CTNNA3: variants seen among roughly 807,000 people sequenced by gnomAD.
The protein encoded by CTNNA3 is catenin alpha-3.
CTNNA3 carries 76 observed loss-of-function variants against 95.7 expected under a neutral mutation model. That is an observed-to-expected ratio of 0.79 (90% CI 0.66 to 0.96). CTNNA3 has a LOEUF of 0.96. Among genes scored for constraint, CTNNA3 ranks in the 40% least tolerant of loss-of-function variants. The pLI is 0.00. For missense variants in CTNNA3, 1,191 were observed against 1,089.8 expected (o/e 1.09, Z -1.31); for synonymous variants, 431 against 374.4 (o/e 1.15, Z -1.74).
intron 13 of CTNNA3, among the ~76,000 whole-genome samples, chr10:66,154,206 C>T (rs1199077743): frequency 6.6e-6 from 1 of 151,738 alleles, no homozygotes; most frequent in South Asian, 2.1e-4. Flanking sequence ...GGTACTTAAT[C>T]CTTGGTTCTA....
At chr10:65,957,936 G>T (rs2077766330) in intron 17 of CTNNA3, among the ~76,000 whole-genome samples, 2 of 152,168 alleles carry the variant, frequency 1.3e-5, no homozygotes, top group African/African-American at 4.8e-5. Flanking sequence ...GGCCTGCCTT[G>T]CTAGGTTGGG....
Position 66,339,184 on chromosome 10 carries a change from C to A in CTNNA3, c.1732+39968G>T, listed in dbSNP as rs372667507. ...AACACAGTGAGCAACACATGGTAAG[C>A]GATTATTTAAAATTAATCTCTGTTA... On this transcript the variant is annotated intron_variant, in intron 12 of 17. Transcript: ENST00000433211. Among the ~76,000 whole-genome samples the A allele has an allele frequency of 2.0e-5, 3 of 151,658 alleles. No homozygotes were observed. The South Asian group carries it at 6.2e-4, about 31-fold the overall frequency.
chr10:67,616,999 A>C (rs895718101), intron 2 of CTNNA3, among the ~76,000 whole-genome samples: 4 of 152,224 alleles, frequency 2.6e-5, no homozygotes, highest in African/African-American at 9.6e-5. Flanking sequence ...AGTATTTCTC[A>C]GGAAACCCAA....
chr10:66,977,446 A>C (rs1035209005), intron 7 of CTNNA3, among the ~76,000 whole-genome samples: 1 of 151,942 alleles, frequency 6.6e-6, no homozygotes, highest in Non-Finnish European at 1.5e-5. Context: ...AAAAAAAAAA[A>C]AATGTATAAA....
At chr10:67,558,697 G>A (rs148173735) in intron 3 of CTNNA3, among the ~76,000 whole-genome samples, 3,317 of 152,350 alleles carry the variant, frequency 0.022, 151 homozygotes, top group African/African-American at 0.075. Flanking sequence ...TGCCTCACTC[G>A]AGAAGCGCAA....
chr10:67,485,033 C>A (rs113477189), intron 5 of CTNNA3, among the ~76,000 whole-genome samples: 3,756 of 152,234 alleles, frequency 0.025, 174 homozygotes, highest in African/African-American at 0.085. Flanking sequence ...TTCATCACAG[C>A]ACCATTCACA....
chr10:66,714,600 C>CA (rs1848395879), intron 9 of CTNNA3, among the ~76,000 whole-genome samples: 1 of 152,096 alleles, frequency 6.6e-6, no homozygotes. Flanking sequence ...TCCACCTCTG[C>CA]TTTTTTGAGC....
intron 7 of CTNNA3, among the ~76,000 whole-genome samples, chr10:66,994,399 A>T (rs1455874686): frequency 6.6e-6 from 1 of 152,182 alleles, no homozygotes; most frequent in African/African-American, 2.4e-5. Context: ...TCACTTAATA[A>T]ATGGAATGAA....
chr10:66,375,059 G>T (rs2092785714), intron 12 of CTNNA3, among the ~76,000 whole-genome samples: 1 of 152,202 alleles, frequency 6.6e-6, no homozygotes, highest in Non-Finnish European at 1.5e-5. Context: ...AAGATTTCTA[G>T]AGGACATGAA....
intron 11 of CTNNA3, among the ~76,000 whole-genome samples, chr10:66,506,129 C>G (rs536957656): frequency 6.6e-6 from 1 of 151,984 alleles, no homozygotes; most frequent in Admixed American, 6.6e-5. Context: ...AATAACCTGC[C>G]CTTGCAGGAA....
chr10:66,047,387 T>C (rs1400396521), intron 15 of CTNNA3, among the ~76,000 whole-genome samples: 2 of 152,264 alleles, frequency 1.3e-5, no homozygotes, highest in Non-Finnish European at 2.9e-5. Flanking sequence ...ACCACATGAA[T>C]ATCTCAATAG....
intron 7 of CTNNA3, among the ~76,000 whole-genome samples, chr10:67,019,272 G>T (rs1852843876): frequency 6.6e-6 from 1 of 152,188 alleles, no homozygotes; most frequent in Admixed American, 6.5e-5. Context: ...AGGCTGGAGT[G>T]TAATGGCGTT....
In CTNNA3 at chr10:66,716,080, G is replaced by T. The variant is rs1215380168; in HGVS notation, c.1281+50184C>A. Among the ~76,000 whole-genome samples, 3 of 152,022 alleles carry T rather than the reference G, an allele frequency of 2.0e-5. No individual in the cohort carries two copies. In the South Asian group the frequency reaches 6.2e-4, roughly 32 times the overall value. ...AACATTGAGCATCCACTATCCATTT[G>T]CTTGCCAATATGAAGAATTGGTAGC... is the stretch of plus-strand genomic sequence containing the variant. On this transcript the variant is annotated intron_variant, in intron 9 of 17. Transcript: ENST00000433211.
chr10:66,025,152 T>C (rs1490025666), intron 15 of CTNNA3, among the ~76,000 whole-genome samples: 1 of 152,244 alleles, frequency 6.6e-6, no homozygotes, highest in Non-Finnish European at 1.5e-5. Context: ...TTTGCATTTG[T>C]CCACCATTGC....
At chr10:67,457,208 A>G (rs1847205634) in intron 5 of CTNNA3, among the ~76,000 whole-genome samples, 1 of 152,218 alleles carries the variant, frequency 6.6e-6, no homozygotes, top group Non-Finnish European at 1.5e-5. Flanking sequence ...AGGTATGGAC[A>G]GCAATCCCCA....
chr10:67,347,832 G>GA (rs71006142), intron 5 of CTNNA3, among the ~76,000 whole-genome samples: 5,885 of 133,828 alleles, frequency 0.044, 217 homozygotes, highest in East Asian at 0.12. Context: ...GTGTTTTCCT[G>GA]AAAAAAAAAA....
intron 5 of CTNNA3, among the ~76,000 whole-genome samples, chr10:67,389,317 C>A (rs1844344540): frequency 6.6e-6 from 1 of 150,758 alleles, no homozygotes; most frequent in Non-Finnish European, 1.5e-5. Flanking sequence ...ACAAAGAAGG[C>A]CATTACATAA....
intron 7 of CTNNA3, among the ~76,000 whole-genome samples, chr10:67,101,575 G>A (rs1858346017): frequency 6.6e-6 from 1 of 151,332 alleles, no homozygotes; most frequent in Non-Finnish European, 1.5e-5. Context: ...TCTATTTCTA[G>A]TCCCTCCTGA....
chr10:66,371,963 T>C (rs1419478415), intron 12 of CTNNA3, among the ~76,000 whole-genome samples: 2 of 152,164 alleles, frequency 1.3e-5, no homozygotes, highest in Admixed American at 6.6e-5. Context: ...AGCGAATAAA[T>C]GTACCAGCTG....
Sources: allele counts gnomAD v4.1 joint callset (sites outside exome capture counted in the v4.1 genomes callset), GRCh38; gene constraint gnomAD v4.1.1; transcripts MANE v1.5; gene names NCBI Gene and HGNC (gene_info 2026-07-23, HGNC 2026-07-21).